SCP2: variants seen among roughly 807,000 people sequenced by gnomAD.
The protein encoded by SCP2 is SCP-2/3-oxoacyl-CoA thiolase.
A neutral mutation model predicts 71.4 loss-of-function variants in SCP2; 48 were observed. That is an observed-to-expected ratio of 0.67 (90% CI 0.53 to 0.86). The LOEUF (loss-of-function observed/expected upper bound fraction) is 0.86. Among genes scored for constraint, SCP2 ranks in the 40% least tolerant of loss-of-function variants. SCP2 has a pLI of 0.00. For synonymous variants in SCP2, 220 were observed against 218.1 expected, an observed-to-expected ratio of 1.01 and a Z score of -0.08; for missense variants, 560 against 655.6, an observed-to-expected ratio of 0.85 and a Z score of 1.59.
At chr1:52,940,101 T>A (rs1242176937) in intron 1 of SCP2, among the ~76,000 whole-genome samples, 2 of 152,072 alleles carry the variant, frequency 1.3e-5, no homozygotes, top group Non-Finnish European at 2.9e-5. Flanking sequence ...TTTATTCCAG[T>A]CTCATTTTAA....
chr1:52,948,940 C>G (rs930952841), intron 3 of SCP2, among the ~76,000 whole-genome samples: 9 of 139,702 alleles, frequency 6.4e-5, no homozygotes, highest in African/African-American at 2.3e-4. Flanking sequence ...CCCCCAACCC[C>G]AACAACATTT....
chr1:52,959,531 T>G (rs1331431785), intron 5 of SCP2, among the ~76,000 whole-genome samples: 1 of 152,010 alleles, frequency 6.6e-6, no homozygotes, highest in Non-Finnish European at 1.5e-5. Context: ...TTTTTTTGCA[T>G]TCTCATCTTT....
intron 1 of SCP2, among the ~76,000 whole-genome samples, chr1:52,929,853 G>A (rs1174693665): frequency 6.6e-6 from 1 of 152,178 alleles, no homozygotes; most frequent in African/African-American, 2.4e-5. Flanking sequence ...TTAACCTCCA[G>A]ATCTCGTGAT....
intron 2 of SCP2, among the ~76,000 whole-genome samples, chr1:52,942,856 C>T (rs1342178426): frequency 1.9e-4 from 29 of 151,434 alleles, no homozygotes; most frequent in East Asian, 2.0e-4. Flanking sequence ...CACACCTCCA[C>T]GCCAGGCTAA....
intron 11 of SCP2, among the ~76,000 whole-genome samples, chr1:52,991,276 A>G (rs188458016): frequency 2.0e-5 from 3 of 152,364 alleles, no homozygotes; most frequent in Admixed American, 6.5e-5. Flanking sequence ...TCCCCCAAAA[A>G]GAGTAGGAAC....
chr1:52,965,666 G>A lies in SCP2; in HGVS notation c.523+4037G>A, dbSNP rs189150582. Among the ~76,000 whole-genome samples the A allele has an allele frequency of 1.7e-3, 261 of 152,042 alleles. 2 individuals are homozygous for A. Among genetic ancestry groups the A allele is most frequent in the Middle Eastern group, 3.4e-3 (1 of 294 alleles). ...TTTTTTCCCCCCAACATGGAGTCTTGCTCCGTTGCCCAGGCTGGAGTGCAA... is the reference window on the plus strand; with the variant it reads ...TTTTTTCCCCCCAACATGGAGTCTTACTCCGTTGCCCAGGCTGGAGTGCAA... On this transcript the variant is annotated intron_variant, in intron 6 of 15. Coordinates refer to ENST00000371514, the MANE Select transcript of SCP2 (RefSeq NM_002979.5).
At chr1:53,043,854 C>T (rs1663599449) in intron 14 of SCP2, among the ~76,000 whole-genome samples, 1 of 152,072 alleles carries the variant, frequency 6.6e-6, no homozygotes, top group Non-Finnish European at 1.5e-5. Flanking sequence ...ATTTTCTAGG[C>T]TGTAAATTTG....
chr1:52,942,524 T>A (rs1374443310), intron 2 of SCP2, among the ~76,000 whole-genome samples: 1 of 151,828 alleles, frequency 6.6e-6, no homozygotes, highest in Non-Finnish European at 1.5e-5. Flanking sequence ...AGCAGAGAGA[T>A]CCCCATCCAT....
At chr1:53,002,544 T>C (rs1257560694) in intron 11 of SCP2, among the ~76,000 whole-genome samples, 1 of 152,216 alleles carries the variant, frequency 6.6e-6, no homozygotes, top group African/African-American at 2.4e-5. Context: ...AAAAAATACA[T>C]GTAACAACTT....
intron 14 of SCP2, among the ~76,000 whole-genome samples, chr1:53,040,415 C>T (rs931983842): frequency 2.0e-5 from 3 of 152,142 alleles, no homozygotes; most frequent in Non-Finnish European, 2.9e-5. Flanking sequence ...GTTCCCTGTC[C>T]GGAATTACCT....
At chr1:52,949,839 T>C (rs1655132869) in intron 3 of SCP2, among the ~76,000 whole-genome samples, 1 of 152,246 alleles carries the variant, frequency 6.6e-6, no homozygotes, top group Admixed American at 6.5e-5. Flanking sequence ...GGCTAGCAGA[T>C]ATTTAAGAAT....
chr1:53,020,115 G>A (rs557854436), intron 12 of SCP2, among the ~76,000 whole-genome samples: 1 of 152,202 alleles, frequency 6.6e-6, no homozygotes, highest in East Asian at 1.9e-4. Flanking sequence ...TTGAACTCCT[G>A]AACTCAAGTG....
intron 14 of SCP2, among the ~76,000 whole-genome samples, chr1:53,042,012 T>C (rs985505705): frequency 7.9e-5 from 12 of 152,014 alleles, no homozygotes; most frequent in African/African-American, 2.4e-4. Context: ...GAATAAGGGA[T>C]TGATGAGAGA....
rs751762892 is a variant in SCP2 at position 52,980,545 on chromosome 1, T to C, written c.973+2T>C. ...AAGCACTGGGACTCTGTCCAGAAGGTAACATCTTTGAATAGGGCAGATTAA... is the reference window on the plus strand; with the variant it reads ...AAGCACTGGGACTCTGTCCAGAAGGCAACATCTTTGAATAGGGCAGATTAA... On this transcript the variant is annotated splice_donor_variant, in intron 10 of 15. Coordinates refer to ENST00000371514, the MANE Select transcript of SCP2 (RefSeq NM_002979.5). LOFTEE classifies it high-confidence loss of function. 1 of 1,613,352 alleles carries C rather than the reference T, an allele frequency of 6.2e-7. No homozygotes were observed. The highest frequency in any genetic ancestry group is 8.5e-7 in the Non-Finnish European group (1 of 1,179,284).
chr1:52,997,423 C>A (rs1284477431), intron 11 of SCP2, among the ~76,000 whole-genome samples: 1 of 152,148 alleles, frequency 6.6e-6, no homozygotes, highest in Non-Finnish European at 1.5e-5. Flanking sequence ...CCCTCCTCGG[C>A]CTTCCAGATG....
chr1:53,027,246 G>A (rs1012195048), intron 12 of SCP2, among the ~76,000 whole-genome samples: 4 of 152,048 alleles, frequency 2.6e-5, no homozygotes, highest in African/African-American at 9.7e-5. Flanking sequence ...ATAGAGACGG[G>A]GTTTCAACAT....
chr1:53,037,950 T>TACACACACACAC (rs67763248), intron 13 of SCP2, among the ~76,000 whole-genome samples: 35 of 120,360 alleles, frequency 2.9e-4, no homozygotes, highest in Non-Finnish European at 2.9e-4. Flanking sequence ...CCTGTCTCTA[T>TACACACACACAC]ACACACACAC....
At chr1:53,028,756 G>A (rs1050502018) in intron 13 of SCP2, among the ~76,000 whole-genome samples, 4 of 151,800 alleles carry the variant, frequency 2.6e-5, no homozygotes, top group Non-Finnish European at 5.9e-5. Context: ...TTAACCTAGG[G>A]TCAAAAAAAC....
intron 11 of SCP2, among the ~76,000 whole-genome samples, chr1:53,000,764 C>T (rs1208048681): frequency 6.6e-6 from 1 of 152,104 alleles, no homozygotes; most frequent in Non-Finnish European, 1.5e-5. Flanking sequence ...CGAGACCAAC[C>T]TGGGCAAGAT....
Sources: allele counts gnomAD v4.1 joint callset (sites outside exome capture counted in the v4.1 genomes callset), GRCh38; gene constraint gnomAD v4.1.1; transcripts MANE v1.5; gene names NCBI Gene and HGNC (gene_info 2026-07-23, HGNC 2026-07-21).